Variants in CTBP2 observed in about 807,000 individuals in gnomAD.
CTBP2 encodes the protein C-terminal-binding protein 2.
CTBP2 carries 30 observed loss-of-function variants against 80.3 expected under a neutral mutation model. The ratio of observed to expected loss-of-function variants is 0.37; its 90% confidence interval spans 0.28 to 0.51. The LOEUF (loss-of-function observed/expected upper bound fraction) is 0.51. Among genes scored for constraint, CTBP2 ranks in the 20% least tolerant of loss-of-function variants. CTBP2 has a pLI of 0.93. For missense variants in CTBP2, 1,212 were observed against 1,375.3 expected (o/e 0.88, Z 1.88); for synonymous variants, 594 against 587.4 (o/e 1.01, Z -0.16).
In CTBP2 at chr10:125,026,593, C is replaced by T. The variant is rs375956777; in HGVS notation, c.1167G>A (p.Ala389=). The change falls in exon 1 of 9, where the codon GCG becomes GCA. Residue 389 remains alanine, a synonymous_variant. Coordinates refer to ENST00000309035, the MANE Select transcript of CTBP2 (RefSeq NM_022802.3). ...GGGGGGATGCTGTCTGCAGAGGAGC[C>T]GCAGCGCCCAGAGAAGCCAAGTCAC... The T allele has an allele frequency of 1.4e-5, 22 of 1,563,668 alleles. No homozygotes were observed. Among genetic ancestry groups the T allele is most frequent in the African/African-American group, 5.4e-5 (4 of 73,476 alleles).
At chr10:125,153,541 C>G (rs149274013) in intron 1 of CTBP2, among the ~76,000 whole-genome samples, 1 of 152,196 alleles carries the variant, frequency 6.6e-6, no homozygotes, top group Non-Finnish European at 1.5e-5. Flanking sequence ...AGAGAAACCT[C>G]GAATGCTCTG....
At chr10:125,156,229 G>GAAA (rs1860890075) in intron 1 of CTBP2, among the ~76,000 whole-genome samples, 1 of 152,058 alleles carries the variant, frequency 6.6e-6, no homozygotes, top group African/African-American at 2.4e-5. Context: ...ATATATATTT[G>GAAA]TGGCCTGATT....
At chr10:125,087,897 C>A (rs993352503) in intron 2 of CTBP2, among the ~76,000 whole-genome samples, 2 of 152,198 alleles carry the variant, frequency 1.3e-5, no homozygotes, top group African/African-American at 4.8e-5. Flanking sequence ...CCTCTGGAAC[C>A]GGTTGCCTCC....
chr10:125,117,755 T>C (rs1853582836), intron 1 of CTBP2, among the ~76,000 whole-genome samples: 1 of 152,152 alleles, frequency 6.6e-6, no homozygotes, highest in Non-Finnish European at 1.5e-5. Flanking sequence ...AAATAAACCA[T>C]ATTAATTAGC....
intron 2 of CTBP2, among the ~76,000 whole-genome samples, chr10:125,082,908 G>A (rs568318636): frequency 6.6e-6 from 1 of 152,262 alleles, no homozygotes; most frequent in South Asian, 2.1e-4. Flanking sequence ...ATTTTCACAG[G>A]ACATATGTCC....
chr10:125,119,510 T>C (rs1166617407), intron 1 of CTBP2, among the ~76,000 whole-genome samples: 1 of 152,236 alleles, frequency 6.6e-6, no homozygotes, highest in Admixed American at 6.5e-5. Context: ...AACAATTATG[T>C]ATTTACTAAA....
chr10:125,046,537 C>CAAAAAAAAAA (rs57913854), intron 2 of CTBP2, among the ~76,000 whole-genome samples: 8,786 of 114,002 alleles, frequency 0.077, 515 homozygotes, highest in Non-Finnish European at 0.11. Flanking sequence ...GACTCTATCT[C>CAAAAAAAAAA]AAAAAAAAAA....
In CTBP2 at chr10:124,984,933, A is replaced by G; in HGVS notation, c.*4585T>C. The G allele has an allele frequency of 6.2e-7, 1 of 1,614,012 alleles. No individual in the cohort carries two copies. Among genetic ancestry groups the G allele is most frequent in the Non-Finnish European group, 8.5e-7 (1 of 1,180,014 alleles). On this transcript the variant is annotated 3_prime_UTR_variant, in exon 9 of 9. Coordinates refer to ENST00000309035, the MANE Select transcript of CTBP2 (RefSeq NM_022802.3). The stretch of plus-strand genomic sequence containing the variant: ...AAAATGGCTTGACCGCTACCGACAG[A>G]TCCGGCCGTGTACATCCCTGTCTGA...
intron 2 of CTBP2, among the ~76,000 whole-genome samples, chr10:125,046,825 C>A (rs535798599): frequency 6.6e-6 from 1 of 152,210 alleles, no homozygotes; most frequent in Non-Finnish European, 1.5e-5. Flanking sequence ...CCTTGGCCAA[C>A]AAAGCTGAGT....
intron 1 of CTBP2, among the ~76,000 whole-genome samples, chr10:125,158,126 G>A (rs1861258567): frequency 6.6e-6 from 1 of 151,706 alleles, no homozygotes; most frequent in Admixed American, 6.6e-5. Context: ...ATCCTTTAAA[G>A]TCTCATTACT....
intron 2 of CTBP2, among the ~76,000 whole-genome samples, chr10:125,049,883 C>A (rs935249655): frequency 1.4e-4 from 21 of 152,322 alleles, no homozygotes; most frequent in African/African-American, 4.6e-4. Context: ...CCCGCTCCAA[C>A]TCTTCTGCCC....
At chr10:125,036,439 C>T (rs1425200750) in intron 3 of CTBP2, among the ~76,000 whole-genome samples, 3 of 151,812 alleles carry the variant, frequency 2.0e-5, no homozygotes, top group Non-Finnish European at 4.4e-5. Flanking sequence ...AAAGTTCCTA[C>T]AAGCCTGGGA....
rs746481115 is a variant in CTBP2, at chr10:124,986,213, T to C, written c.*3305A>G. The C allele has an allele frequency of 1.3e-5, 2 of 152,180 alleles. No individual in the cohort carries two copies. The highest frequency in any genetic ancestry group is 2.9e-5 in the Non-Finnish European group (2 of 67,968). The allele number at this position is 152,180 out of a possible 1,614,324, so 9.4% of individuals were successfully genotyped here. A position where few individuals can be genotyped will look rare whatever the true frequency, so the allele number is the denominator to read the frequency against. On this transcript the variant is annotated 3_prime_UTR_variant, in exon 9 of 9. Coordinates refer to ENST00000309035, the MANE Select transcript of CTBP2 (RefSeq NM_022802.3). Reference sequence around the variant, plus strand: ...ACCTATCTCAGGAACACAGAAATATTTGGTGTCCTGATAAGCACTTTCTAG... The same window carrying C: ...ACCTATCTCAGGAACACAGAAATATCTGGTGTCCTGATAAGCACTTTCTAG...
chr10:125,063,385 G>A (rs1244047261), intron 2 of CTBP2, among the ~76,000 whole-genome samples: 1 of 152,138 alleles, frequency 6.6e-6, no homozygotes, highest in Admixed American at 6.5e-5. Flanking sequence ...GCACCCCGAT[G>A]GGGACTGAGC....
chr10:124,985,175 A>G lies in CTBP2; in HGVS notation c.*4343T>C. On this transcript the variant is annotated 3_prime_UTR_variant, in exon 9 of 9. Coordinates refer to ENST00000309035, the MANE Select transcript of CTBP2 (RefSeq NM_022802.3). The stretch of plus-strand genomic sequence containing the variant: ...TAATGCCTCTGCTGCGTGAGGAGAC[A>G]GAGAACTTTAGTTGGACTACAGTTT... 1 of 524,342 alleles carries G rather than the reference A, an allele frequency of 1.9e-6. No homozygotes were observed. The highest frequency in any genetic ancestry group is 3.3e-6 in the Non-Finnish European group (1 of 298,550). 32.5% of individuals were successfully genotyped at this position (524,342 alleles called of 1,614,324 possible).
At position 125,026,229 on chromosome 10, in the gene CTBP2, C is replaced by A; in HGVS notation, c.1531G>T (p.Val511Phe). The A allele has an allele frequency of 6.2e-7, 1 of 1,613,690 alleles. No homozygotes were observed. The highest frequency in any genetic ancestry group is 8.5e-7 in the Non-Finnish European group (1 of 1,179,926). The change falls in exon 1 of 9, where the codon GTC becomes TTC. Residue 511 changes from valine to phenylalanine, a missense_variant. By Grantham distance (50) the Val-to-Phe change is conservative (BLOSUM62 -1). This residue lies in a region of CTBP2 where 848 missense variants were observed against 782.3 expected (regional missense o/e 1.08). Transcript: ENST00000309035. ...AGGGGTGCACCTGGCTTCCGCAAGA[C>A]CTGGGGGCTGCCGTGAGGGCTGGGC... is the stretch of plus-strand genomic sequence containing the variant.
At chr10:125,021,250 T>C (rs1429423058) in intron 1 of CTBP2, among the ~76,000 whole-genome samples, 2 of 152,136 alleles carry the variant, frequency 1.3e-5, no homozygotes, top group Non-Finnish European at 2.9e-5. Flanking sequence ...CTCTCTTCCT[T>C]CTCTGCTCAC....
intron 2 of CTBP2, among the ~76,000 whole-genome samples, chr10:125,071,272 T>C (rs78528136): frequency 0.028 from 4,305 of 152,332 alleles, 74 homozygotes; most frequent in East Asian, 0.043. Flanking sequence ...GAGAGCCTGG[T>C]TGAAGGCCAC....
chr10:125,083,336 C>T (rs58688187), intron 2 of CTBP2, among the ~76,000 whole-genome samples: 23,099 of 152,044 alleles, frequency 0.15, 1,861 homozygotes, highest in Middle Eastern at 0.25. Context: ...CCTGTCGTGC[C>T]AGATGGGGTC....
Sources: gnomAD v4.1 joint callset for allele counts (sites outside exome capture counted in the v4.1 genomes callset) on GRCh38, gnomAD v4.1.1 for gene constraint, gnomAD v4.1.1 regional missense constraint, MANE v1.5 for transcripts, NCBI Gene and HGNC (gene_info 2026-07-23, HGNC 2026-07-21) for gene names.